Variants in COL13A1 observed in about 807,000 individuals in gnomAD.
COL13A1 encodes collagen type XIII alpha 1 chain.
In COL13A1, 89 loss-of-function variants were observed where a neutral mutation model predicts 130.9. The observed-to-expected ratio is 0.68, with a 90% CI of 0.57 to 0.81. COL13A1 has a LOEUF of 0.81. Among genes scored for constraint, COL13A1 ranks in the 30% least tolerant of loss-of-function variants. COL13A1 has a pLI of 0.00. For synonymous variants in COL13A1, 402 were observed against 341.6 expected (o/e 1.18, Z -1.95); for missense variants, 879 against 934.6 (o/e 0.94, Z 0.78).
chr10:69,874,147 G>A (rs2059359061), intron 4 of COL13A1, among the ~76,000 whole-genome samples: 1 of 152,258 alleles, frequency 6.6e-6, no homozygotes, highest in Admixed American at 6.5e-5. Context: ...TTGACCTTAT[G>A]TGTTAATTTT....
Position 69,834,233 on chromosome 10 carries a change from G to A in COL13A1, c.364+11795G>A, listed in dbSNP as rs553969346. ...AGTCTGCAATAGGGTTTGGGGTCCT[G>A]TGAGAATCTATTGCCACCGCTGACC... On this transcript the variant is annotated intron_variant, in intron 2 of 40. Coordinates refer to ENST00000645393, the MANE Select transcript of COL13A1 (RefSeq NM_001368882.1). Among the ~76,000 whole-genome samples the A allele has an allele frequency of 6.2e-4, 95 of 152,310 alleles. 1 individual carries two copies. Among genetic ancestry groups the A allele is most frequent in the African/African-American group, 2.2e-3 (91 of 41,568 alleles).
chr10:69,853,002 G>T lies in COL13A1; in HGVS notation c.365-14796G>T, dbSNP rs530606831. Among the ~76,000 whole-genome samples the T allele has an allele frequency of 1.9e-3, 284 of 150,668 alleles. 1 individual carries two copies. The highest frequency in any genetic ancestry group is 3.4e-3 in the Admixed American group (52 of 15,172). On this transcript the variant is annotated intron_variant, in intron 2 of 40. Coordinates refer to ENST00000645393, the MANE Select transcript of COL13A1 (RefSeq NM_001368882.1). ...CAAAGCCCTTGCCTGGGGCTGTCCA[G>T]CTGGGGCGGGGGAGCGGGGGGAGGT...
In COL13A1 at chr10:69,950,951, C is replaced by T. The variant is rs548674962; in HGVS notation, c.2059-1931C>T. On this transcript the variant is annotated intron_variant, in intron 38 of 40. Coordinates refer to ENST00000645393, the MANE Select transcript of COL13A1 (RefSeq NM_001368882.1). The stretch of plus-strand genomic sequence containing the variant: ...GCAACCTCTGCCTCCTGGGTTCAAG[C>T]GATTCTCCTGCCTCAGCCTCCCGAG... Among the ~76,000 whole-genome samples the T allele has an allele frequency of 2.6e-5, 4 of 152,110 alleles. No individual in the cohort carries two copies. The East Asian group carries it at 5.8e-4, about 22-fold the overall frequency.
rs1057136474 is a variant in COL13A1, at chr10:69,877,773, G to A, written c.436-266G>A. On this transcript the variant is annotated intron_variant, in intron 5 of 40. Transcript: ENST00000645393. ...TACGTGCCTCAAGAGGGCCTCTTACGGCCCCAGCCACTGTTTCTCAGTTAT... is the reference window on the plus strand; with the variant it reads ...TACGTGCCTCAAGAGGGCCTCTTACAGCCCCAGCCACTGTTTCTCAGTTAT... Among the ~76,000 whole-genome samples the A allele has an allele frequency of 6.0e-5, 8 of 132,410 alleles. 1 individual carries two copies. The highest frequency in any genetic ancestry group is 1.6e-4 in the Admixed American group (2 of 12,748). The allele number at this position is 132,410 out of a possible 152,430, so 86.9% of individuals were successfully genotyped here.
chr10:69,935,693 C>A, intron 32 of COL13A1, among the ~76,000 whole-genome samples: 1 of 152,172 alleles, frequency 6.6e-6, no homozygotes, highest in Non-Finnish European at 1.5e-5. Flanking sequence ...ACATCTGCTT[C>A]TCCCATTCCT....
At chr10:69,839,970 T>C (rs1331082683) in intron 2 of COL13A1, among the ~76,000 whole-genome samples, 2 of 152,140 alleles carry the variant, frequency 1.3e-5, no homozygotes, top group Non-Finnish European at 2.9e-5. Context: ...CGGCAGAGAA[T>C]GGATTACAAA....
At chr10:69,909,173 C>G (rs527737627) in intron 17 of COL13A1, among the ~76,000 whole-genome samples, 7 of 152,180 alleles carry the variant, frequency 4.6e-5, no homozygotes, top group Non-Finnish European at 7.3e-5. Flanking sequence ...TCTCTTTGAA[C>G]CTTCGTCCAT....
intron 1 of COL13A1, among the ~76,000 whole-genome samples, chr10:69,815,929 C>A (rs1844372656): frequency 2.0e-5 from 3 of 150,850 alleles, no homozygotes; most frequent in East Asian, 3.9e-4. Context: ...AAGTGGTGTG[C>A]TGGGGGAGGA....
chr10:69,834,323 G>A (rs1257450342), intron 2 of COL13A1, among the ~76,000 whole-genome samples: 1 of 152,096 alleles, frequency 6.6e-6, no homozygotes, highest in African/African-American at 2.4e-5. Flanking sequence ...CCAGTGCTTG[G>A]GGACCCCCGC....
intron 39 of COL13A1, 42 bp downstream of exon 39, chr10:69,953,010 CT>C (rs746845342): frequency 1.1e-4 from 156 of 1,416,802 alleles, no homozygotes; most frequent in Non-Finnish European, 1.4e-4. Flanking sequence ...GGTTTTTGTT[CT>C]TGAGGTTTGT....
intron 33 of COL13A1, 95 bp from the exon 34 acceptor site, chr10:69,937,540 C>G: frequency 1.5e-6 from 1 of 672,776 alleles, no homozygotes; most frequent in Non-Finnish European, 2.7e-6. Context: ...CCTTCCTCTA[C>G]AAATGCCACC....
intron 17 of COL13A1, among the ~76,000 whole-genome samples, chr10:69,909,728 C>T (rs1256159642): frequency 1.3e-5 from 2 of 152,198 alleles, no homozygotes; most frequent in Non-Finnish European, 2.9e-5. Flanking sequence ...GATATCTTGA[C>T]CCCCAGTGAT....
At position 69,941,959 on chromosome 10, in the gene COL13A1, G is replaced by T. The variant is rs188997244; in HGVS notation, c.1914+936G>T. On this transcript the variant is annotated intron_variant, in intron 35 of 40. Transcript: ENST00000645393. Reference sequence around the variant, plus strand: ...CTCTGTCCTGCAGAGGGCTTTCAAGGCCACATCTGCCCATGGCCTGCATGG... The same window carrying T: ...CTCTGTCCTGCAGAGGGCTTTCAAGTCCACATCTGCCCATGGCCTGCATGG... Among the ~76,000 whole-genome samples, 170 of 152,306 alleles carry T rather than the reference G, an allele frequency of 1.1e-3. 1 individual carries two copies. Among genetic ancestry groups the T allele is most frequent in the African/African-American group, 3.8e-3 (156 of 41,566 alleles).
rs756203282 is a variant in COL13A1 at position 69,947,325 on chromosome 10, G to A, written c.2041G>A (p.Gly681Arg). Residue 681 changes from glycine to arginine, a missense_variant, in exon 38 of 41, where the codon GGG becomes AGG. Gly to Arg is a moderately radical substitution (Grantham distance 125). Coordinates refer to ENST00000645393, the MANE Select transcript of COL13A1 (RefSeq NM_001368882.1). ...CTTGCAGGGTTTACATGGACCACCC[G>A]GGGACAAGGGAAACCGGGTGAGTCT... The part of the protein sequence containing the change: ...AGLPGLHGPP[G>R]DKGNRGERGK... 6.2e-6 allele frequency: 10 copies of A among 1,612,454 alleles called. No individual in the cohort carries two copies. The highest frequency in any genetic ancestry group is 1.6e-4 in the Middle Eastern group (1 of 6,084).
At chr10:69,823,773 G>T (rs961542701) in intron 2 of COL13A1, among the ~76,000 whole-genome samples, 2 of 152,160 alleles carry the variant, frequency 1.3e-5, no homozygotes, top group Non-Finnish European at 2.9e-5. Context: ...TTAAAAGGGT[G>T]TCCAGAAGCC....
chr10:69,930,691 T>C (rs2065999325), intron 30 of COL13A1, 139 bp downstream of exon 30: 2 of 947,108 alleles, frequency 2.1e-6, no homozygotes, highest in East Asian at 2.8e-5. Flanking sequence ...GGGTGGAGGA[T>C]TCACTCAGCT....
intron 1 of COL13A1, among the ~76,000 whole-genome samples, chr10:69,808,779 T>A (rs1842231248): frequency 6.6e-6 from 1 of 152,244 alleles, no homozygotes; most frequent in Non-Finnish European, 1.5e-5. Flanking sequence ...TAGCTGTTGA[T>A]GTAAGGTCCC....
At chr10:69,852,080 G>A (rs557937486) in intron 2 of COL13A1, among the ~76,000 whole-genome samples, 1 of 152,246 alleles carries the variant, frequency 6.6e-6, no homozygotes, top group South Asian at 2.1e-4. Flanking sequence ...GTGCTGGTGT[G>A]CAGTGACCAT....
intron 2 of COL13A1, among the ~76,000 whole-genome samples, chr10:69,847,570 GAGCC>G (rs1853502488): frequency 6.6e-6 from 1 of 152,164 alleles, no homozygotes; most frequent in Non-Finnish European, 1.5e-5. Flanking sequence ...CAGGTGAGAA[GAGCC>G]AGGACAGAAG....
Sources: gnomAD v4.1 joint callset for allele counts (sites outside exome capture counted in the v4.1 genomes callset) on GRCh38, gnomAD v4.1.1 for gene constraint, MANE v1.5 for transcripts, NCBI Gene and HGNC (gene_info 2026-07-23, HGNC 2026-07-21) for gene names.